The following CHEK1 variants were observed in gnomAD, a reference collection of about 807,000 sequenced individuals.
The protein encoded by CHEK1 is serine/threonine-protein kinase Chk1.
Under a neutral mutation model 60.2 loss-of-function variants are expected in CHEK1, and 32 were observed. The observed-to-expected ratio is 0.53, with a 90% CI of 0.40 to 0.71. The LOEUF (loss-of-function observed/expected upper bound fraction) is 0.71, where lower values mean the gene tolerates loss of function less well. CHEK1 is among the 30% of genes least tolerant of loss of function. The probability of loss-of-function intolerance (pLI) is 0.00; values close to 1 mark genes in which losing one functional copy is unlikely to be tolerated. For missense variants in CHEK1, 399 were observed against 564.6 expected, an observed-to-expected ratio of 0.71 and a Z score of 2.97; for synonymous variants, 179 against 187.2, an observed-to-expected ratio of 0.96 and a Z score of 0.36.
rs3731410 is a variant in CHEK1 at position 125,633,205 on chromosome 11, G to A, written c.467G>A (p.Arg156Gln). The A allele has an allele frequency of 8.9e-5, 143 of 1,600,234 alleles. 1 individual carries two copies. The African/African-American group carries it at 1.5e-3, about 17-fold the overall frequency. Residue 156 changes from arginine (R) to glutamine (Q), a missense_variant, in exon 6 of 13, where the codon CGG (arginine) becomes CAG (glutamine). Arg to Gln is a conservative substitution (Grantham distance 43, BLOSUM62 1). This residue lies in a region of CHEK1 where 370 missense variants were observed against 494.8 expected (regional missense o/e 0.75). Transcript: ENST00000438015. Reference sequence around the variant, plus strand: ...GACTTTGGCTTGGCAACAGTATTTCGGTATAATAATCGTGAGCGTTTGTTG... The same window carrying A: ...GACTTTGGCTTGGCAACAGTATTTCAGTATAATAATCGTGAGCGTTTGTTG... Reference protein sequence around the residue: ...ISDFGLATVFRYNNRERLLNK... With the variant: ...ISDFGLATVFQYNNRERLLNK...
At chr11:125,671,243 T>G (rs1462235606) in intron 13 of CHEK1, among the ~76,000 whole-genome samples, 1 of 152,130 alleles carries the variant, frequency 6.6e-6, no homozygotes, top group Non-Finnish European at 1.5e-5. Context: ...TCAACACCTA[T>G]ACCTAGTAGA....
chr11:125,634,963 T>TG (rs1166500182), intron 6 of CHEK1, among the ~76,000 whole-genome samples: 4 of 54,132 alleles, frequency 7.4e-5, no homozygotes, highest in Non-Finnish European at 1.5e-4. Flanking sequence ...TGTTTTTTGG[T>TG]TTTTTTTTTT....
chr11:125,629,728 AT>A (rs36086157), intron 5 of CHEK1, among the ~76,000 whole-genome samples: 86 of 147,978 alleles, frequency 5.8e-4, no homozygotes, highest in Middle Eastern at 3.4e-3. Context: ...TATAAGAATA[AT>A]TTTTTTTTTT....
rs751334851 is a variant in CHEK1, at chr11:125,644,181, G to A, written c.1014G>A (p.Leu338=). The A allele has an allele frequency of 6.2e-7, 1 of 1,614,112 alleles. No homozygotes were observed. Among genetic ancestry groups the A allele is most frequent in the Non-Finnish European group, 8.5e-7 (1 of 1,180,010 alleles). Residue 338 remains leucine, a synonymous_variant, in exon 10 of 13, where the codon TTG becomes TTA. Transcript: ENST00000438015. ...WDTSPSYIDK[L]VQGISFSQPT... is the part of the protein sequence containing the mutation. ...CCAGCCCCTCATACATTGATAAATT[G>A]GTACAAGGGATCAGCTTTTCCCAGC...
At chr11:125,671,268 C>G (rs551830458) in intron 13 of CHEK1, among the ~76,000 whole-genome samples, 2 of 152,004 alleles carry the variant, frequency 1.3e-5, no homozygotes, top group South Asian at 4.2e-4. Flanking sequence ...TATTTATCTT[C>G]TCCCTTCAAA....
chr11:125,652,171 C>T (rs1392506490), intron 11 of CHEK1, among the ~76,000 whole-genome samples: 7 of 152,302 alleles, frequency 4.6e-5, no homozygotes, highest in Non-Finnish European at 2.9e-5. Flanking sequence ...CTGCTGATCT[C>T]GCTCGGGCTT....
chr11:125,654,369 T>C (rs1226688360), intron 12 of CHEK1, among the ~76,000 whole-genome samples: 1 of 152,094 alleles, frequency 6.6e-6, no homozygotes, highest in African/African-American at 2.4e-5. Flanking sequence ...AAAATGTAGA[T>C]AAGCAAAAAA....
chr11:125,642,060 C>G (rs746763575), intron 8 of CHEK1, among the ~76,000 whole-genome samples: 12 of 152,126 alleles, frequency 7.9e-5, no homozygotes, highest in Non-Finnish European at 2.9e-5. Flanking sequence ...TCCAAGTGCT[C>G]TAGGCACACT....
In CHEK1 at chr11:125,656,891, T is replaced by C. The variant is rs1941917454; in HGVS notation, c.*1571T>C. ...GGTGGGAAAATTTCAAGTTTCATAT[T>C]TGGATTAGCTCTGACATTTATTTAT... On this transcript the variant is annotated 3_prime_UTR_variant, in exon 13 of 13. Transcript: ENST00000438015. 1 of 207,798 alleles carries C rather than the reference T, an allele frequency of 4.8e-6. No homozygotes were observed. The highest frequency in any genetic ancestry group is 2.3e-5 in the African/African-American group (1 of 43,900). 12.9% of individuals were successfully genotyped at this position (207,798 alleles called of 1,614,324 possible).
chr11:125,668,451 A>C (rs192029247), intron 13 of CHEK1, among the ~76,000 whole-genome samples: 1 of 151,834 alleles, frequency 6.6e-6, no homozygotes, highest in Admixed American at 6.6e-5. Context: ...GATTTTTGCC[A>C]TTTTTTTTGT....
intron 13 of CHEK1, chr11:125,671,516 AG>A (rs1226240147): frequency 4.8e-4 from 73 of 152,192 alleles, no homozygotes; most frequent in Non-Finnish European, 2.9e-5. Context: ...ATTTTGGGGA[AG>A]GGGTCATGAT....
intron 13 of CHEK1, among the ~76,000 whole-genome samples, chr11:125,667,577 T>C (rs1942122588): frequency 6.6e-6 from 1 of 152,156 alleles, no homozygotes; most frequent in Non-Finnish European, 1.5e-5. Context: ...TGAATCTCTT[T>C]CATTTCTTTT....
At chr11:125,636,945 A>G (rs960367548) in intron 7 of CHEK1, among the ~76,000 whole-genome samples, 2 of 152,068 alleles carry the variant, frequency 1.3e-5, no homozygotes, top group Non-Finnish European at 2.9e-5. Flanking sequence ...TTCCATTTAA[A>G]TCTTTGGTCC....
At position 125,655,344 on chromosome 11, in the gene CHEK1, C is replaced by A. The variant is rs1453372998; in HGVS notation, c.*24C>A. 1 of 1,508,358 alleles carries A rather than the reference C, an allele frequency of 6.6e-7. No individual in the cohort carries two copies. Among genetic ancestry groups the A allele is most frequent in the African/African-American group, 1.4e-5 (1 of 72,726 alleles). The allele number at this position is 1,508,358 out of a possible 1,614,324, so 93.4% of individuals were successfully genotyped here. ...GATCGGACCATCGGCTCTGGGGAATCCTGGTGAATATAGTGCTGCTATGTT... is the reference window on the plus strand; with the variant it reads ...GATCGGACCATCGGCTCTGGGGAATACTGGTGAATATAGTGCTGCTATGTT... On this transcript the variant is annotated 3_prime_UTR_variant, in exon 13 of 13. Coordinates refer to ENST00000438015, the MANE Select transcript of CHEK1 (RefSeq NM_001114122.3).
intron 5 of CHEK1, among the ~76,000 whole-genome samples, chr11:125,629,728 A>T (rs971409158): frequency 6.8e-6 from 1 of 148,080 alleles, no homozygotes; most frequent in African/African-American, 2.5e-5. Flanking sequence ...TATAAGAATA[A>T]TTTTTTTTTT....
downstream of CHEK1, among the ~76,000 whole-genome samples, chr11:125,678,613 G>T (rs1565397207): frequency 6.6e-6 from 1 of 152,024 alleles, no homozygotes; most frequent in East Asian, 1.9e-4. Flanking sequence ...AAATGAATGT[G>T]CCTCCCTGAC....
chr11:125,669,559 T>C (rs1483417781), intron 13 of CHEK1, among the ~76,000 whole-genome samples: 1 of 146,686 alleles, frequency 6.8e-6, no homozygotes, highest in Admixed American at 6.9e-5. Flanking sequence ...AGTCTCGCTC[T>C]GTCGCCCAGG....
intron 8 of CHEK1, among the ~76,000 whole-genome samples, chr11:125,639,382 C>CT (rs367756024): frequency 0.32 from 33,909 of 105,772 alleles, 6,384 homozygotes; most frequent in South Asian, 0.38. Flanking sequence ...ATACTTTTCT[C>CT]TTTTTTTTTT....
intron 13 of CHEK1, among the ~76,000 whole-genome samples, chr11:125,670,547 G>T (rs982708871): frequency 6.6e-6 from 1 of 152,014 alleles, no homozygotes; most frequent in Non-Finnish European, 1.5e-5. Context: ...TATTTTTTCA[G>T]CTTTCAGATG....
Sources: gnomAD v4.1 joint callset for allele counts (sites outside exome capture counted in the v4.1 genomes callset) on GRCh38, gnomAD v4.1.1 for gene constraint, gnomAD v4.1.1 regional missense constraint, MANE v1.5 for transcripts, NCBI Gene and HGNC (gene_info 2026-07-23, HGNC 2026-07-21) for gene names.